Variants in VPS53 observed in about 807,000 individuals in gnomAD.
VPS53 encodes the protein VPS53 subunit of GARP complex, also known as vacuolar protein sorting-associated protein 53 homolog.
A neutral mutation model predicts 107.0 loss-of-function variants in VPS53; 70 were observed. The observed-to-expected ratio is 0.65, with a 90% CI of 0.54 to 0.80. The LOEUF (loss-of-function observed/expected upper bound fraction) is 0.80, where lower values mean the gene tolerates loss of function less well. VPS53 is among the 30% of genes least tolerant of loss of function. The pLI is 0.00. For missense variants in VPS53, 917 were observed against 1,049.4 expected, an observed-to-expected ratio of 0.87 and a Z score of 1.74; for synonymous variants, 409 against 393.3, an observed-to-expected ratio of 1.04 and a Z score of -0.47.
intron 11 of VPS53, among the ~76,000 whole-genome samples, chr17:619,157 G>A (rs1237789116): frequency 6.8e-6 from 1 of 146,154 alleles, no homozygotes. Context: ...ATATTTCCCA[G>A]GTAGCTGGGA....
intron 5 of VPS53, among the ~76,000 whole-genome samples, chr17:661,293 G>A (rs998750174): frequency 3.3e-5 from 5 of 151,856 alleles, no homozygotes; most frequent in African/African-American, 9.7e-5. Flanking sequence ...AGGCCGAGGC[G>A]GGCGGATCAT....
rs78724694 is a variant in VPS53 at position 643,543 on chromosome 17, A to C, written c.608+9748T>G. 6.6e-3 allele frequency among the ~76,000 whole-genome samples: 161 copies of C among 24,324 alleles called. 1 individual carries two copies. The highest frequency in any genetic ancestry group is 7.5e-3 in the Non-Finnish European group (89 of 11,832). 16.0% of individuals were successfully genotyped at this position (24,324 alleles called of 152,430 possible). A position where few individuals can be genotyped will look rare whatever the true frequency, so the allele number is the denominator to read the frequency against. ...AACTGAGGACAACACTCATACTTGG[A>C]AACCGAGGACAACACTCATACTTGG... is the stretch of plus-strand genomic sequence containing the variant. On this transcript the variant is annotated intron_variant, in intron 7 of 21. Coordinates refer to ENST00000437048, the MANE Select transcript of VPS53 (RefSeq NM_001128159.3).
intron 7 of VPS53, among the ~76,000 whole-genome samples, chr17:643,470 A>C (rs368285781): frequency 4.8e-4 from 57 of 119,860 alleles, no homozygotes; most frequent in Admixed American, 1.2e-3. Flanking sequence ...CTTGGAAATC[A>C]AGGACAACAC....
chr17:532,704 C>T (rs748860288), intron 19 of VPS53, 138 bp downstream of exon 19: 79 of 1,432,440 alleles, frequency 5.5e-5, no homozygotes, highest in Middle Eastern at 1.8e-4. Flanking sequence ...AGAAACCTTC[C>T]GGGTGAGTCA....
chr17:593,612 C>A (rs1163969654), intron 12 of VPS53, among the ~76,000 whole-genome samples: 1 of 152,186 alleles, frequency 6.6e-6, no homozygotes, highest in Non-Finnish European at 1.5e-5. Context: ...CGATGAGATA[C>A]CATTTCACAC....
At chr17:536,107 G>C (rs1262532398) in intron 18 of VPS53, among the ~76,000 whole-genome samples, 2 of 152,184 alleles carry the variant, frequency 1.3e-5, no homozygotes, top group African/African-American at 4.8e-5. Context: ...GCCAGATGGT[G>C]ATCGGCAAAG....
rs2151790720 is a variant in VPS53, at chr17:518,900, A to C, written c.*228T>G. The stretch of plus-strand genomic sequence containing the variant: ...CTCCACTGCTGCCTCTGCTTCACGA[A>C]CCAGAGATCACCTAAATCGCCCTCT... On this transcript the variant is annotated 3_prime_UTR_variant, in exon 22 of 22. Coordinates refer to ENST00000437048, the MANE Select transcript of VPS53 (RefSeq NM_001128159.3). The C allele has an allele frequency of 2.2e-6, 1 of 447,192 alleles. No homozygotes were observed. Among genetic ancestry groups the C allele is most frequent in the Non-Finnish European group, 3.9e-6 (1 of 257,488 alleles). The allele number at this position is 447,192 out of a possible 1,614,324, so 27.7% of individuals were successfully genotyped here. A position where few individuals can be genotyped will look rare whatever the true frequency, so the allele number is the denominator to read the frequency against.
chr17:523,748 T>C (rs1908920276), intron 19 of VPS53, among the ~76,000 whole-genome samples: 1 of 152,224 alleles, frequency 6.6e-6, no homozygotes. Context: ...TGGACCTTTC[T>C]GGATTTCTAG....
At chr17:636,023 C>G (rs1970185184) in intron 7 of VPS53, among the ~76,000 whole-genome samples, 1 of 152,208 alleles carries the variant, frequency 6.6e-6, no homozygotes, top group Non-Finnish European at 1.5e-5. Context: ...TTCTTCCTAT[C>G]CATGAGCATG....
rs7214036 is a variant in VPS53, at chr17:602,009, T to C, written c.1117-113A>G. On this transcript the variant is annotated intron_variant, in intron 11 of 21. Transcript: ENST00000437048. Reference sequence around the variant, plus strand: ...CAAGGAAGTCATGCACGCTATCTGATAAAGAAGAACTGAGGCAACCCAGAC... The same window carrying C: ...CAAGGAAGTCATGCACGCTATCTGACAAAGAAGAACTGAGGCAACCCAGAC... 0.13 allele frequency: 96,858 copies of C among 760,494 alleles called. 7,097 individuals are homozygous for C. The highest frequency in any genetic ancestry group is 0.23 in the East Asian group (7,610 of 32,612). The allele number at this position is 760,494 out of a possible 1,614,324, so 47.1% of individuals were successfully genotyped here. A position where few individuals can be genotyped will look rare whatever the true frequency, so the allele number is the denominator to read the frequency against.
At chr17:558,626 T>C (rs1453746377) in intron 15 of VPS53, among the ~76,000 whole-genome samples, 1 of 151,280 alleles carries the variant, frequency 6.6e-6, no homozygotes, top group Non-Finnish European at 1.5e-5. Context: ...AGAGAGAGAC[T>C]CTGTTTCAAA....
chr17:588,830 T>TAGTTTAAGATG (rs1967475972), intron 12 of VPS53, among the ~76,000 whole-genome samples: 1 of 152,152 alleles, frequency 6.6e-6, no homozygotes, highest in Non-Finnish European at 1.5e-5. Flanking sequence ...GCATTTCCAT[T>TAGTTTAAGATG]AGTTTAAGAT....
intron 20 of VPS53, 63 bp downstream of exon 20, chr17:521,538 A>G (rs1301225148): frequency 6.0e-5 from 88 of 1,466,940 alleles, no homozygotes; most frequent in Non-Finnish European, 7.5e-5. Flanking sequence ...TGCTTTCAAA[A>G]CCAAGGCTTC....
chr17:706,889 G>A (rs1032054744), intron 2 of VPS53, among the ~76,000 whole-genome samples: 5 of 152,084 alleles, frequency 3.3e-5, no homozygotes, highest in Non-Finnish European at 5.9e-5. Context: ...TACTGCGTGA[G>A]TCTCCTGCCT....
Position 677,360 on chromosome 17 carries a change from T to C in VPS53, c.286-15465A>G, listed in dbSNP as rs946679980. Among the ~76,000 whole-genome samples the C allele has an allele frequency of 2.6e-5, 4 of 152,294 alleles. No homozygotes were observed. In the Middle Eastern group the frequency reaches 0.01, roughly 389 times the overall value. The stretch of plus-strand genomic sequence containing the variant: ...TACACCAGATACAAAGGGTCAAATA[T>C]TGTAGAATTCCACTTATATTAATAT... On this transcript the variant is annotated intron_variant, in intron 4 of 21. Transcript: ENST00000437048.
rs141023702 is a variant in VPS53 at position 560,476 on chromosome 17, T to C, written c.1654A>G (p.Ile552Val). Residue 552 changes from isoleucine to valine, a missense_variant, in exon 15 of 22, where the codon ATC (isoleucine) becomes GTC (valine). Coordinates refer to ENST00000437048, the MANE Select transcript of VPS53 (RefSeq NM_001128159.3). The stretch of plus-strand genomic sequence containing the variant: ...TCTGCCGTGCTCAGGATGTTACAGA[T>C]GAGGCAGAGCTCCTCCAGAGTGAAC... ...AKFTLEELCL[I>V]CNILSTAEYC... 67 of 1,613,050 alleles carry C rather than the reference T, an allele frequency of 4.2e-5. No homozygotes were observed. The highest frequency in any genetic ancestry group is 5.2e-5 in the Non-Finnish European group (61 of 1,180,026).
intron 1 of VPS53, among the ~76,000 whole-genome samples, chr17:713,646 C>T (rs534520375): frequency 2.0e-5 from 3 of 151,054 alleles, no homozygotes; most frequent in African/African-American, 4.9e-5. Context: ...AGCGAGACTC[C>T]GTCTCAGAAA....
rs73976852 is a variant in VPS53 at position 677,575 on chromosome 17, C to T, written c.286-15680G>A. On this transcript the variant is annotated intron_variant, in intron 4 of 21. Transcript: ENST00000437048. ...TACATTATGAATGTAATTAATACCA[C>T]TAATTATACACTTAAAAATGTTAAA... 2.6e-3 allele frequency among the ~76,000 whole-genome samples: 400 copies of T among 151,910 alleles called. 3 individuals are homozygous for T. The highest frequency in any genetic ancestry group is 9.3e-3 in the African/African-American group (387 of 41,414).
chr17:623,577 G>C lies in VPS53; in HGVS notation c.1072C>G (p.Leu358Val). ...IQRTTNFEGF[L>V]AKRFSGCTLT... is the part of the protein sequence containing the mutation. ...GTGCAGCCGGAGAAGCGTTTTGCAA[G>C]AAACCCCTCAAAGTTAGTTGTTCTT... The change falls in exon 11 of 22, where the codon CTT (leucine) becomes GTT (valine). Residue 358 changes from leucine to valine, a missense_variant. Leu to Val is a conservative substitution (Grantham distance 32). Transcript: ENST00000437048. 1.2e-6 allele frequency: 2 copies of C among 1,613,768 alleles called. No homozygotes were observed. Among genetic ancestry groups the C allele is most frequent in the South Asian group, 1.1e-5 (1 of 91,042 alleles).
Sources: gnomAD v4.1 joint callset for allele counts (sites outside exome capture counted in the v4.1 genomes callset) on GRCh38, gnomAD v4.1.1 for gene constraint, MANE v1.5 for transcripts, NCBI Gene and HGNC (gene_info 2026-07-23, HGNC 2026-07-21) for gene names.